The following DNAH9 variants were observed in gnomAD, a reference collection of about 807,000 sequenced individuals.
DNAH9 encodes dynein axonemal heavy chain 9.
A neutral mutation model predicts 471.6 loss-of-function variants in DNAH9; 345 were observed. The observed-to-expected ratio is 0.73, with a 90% CI of 0.67 to 0.80. The LOEUF (loss-of-function observed/expected upper bound fraction) is 0.80. Among genes scored for constraint, DNAH9 ranks in the 30% least tolerant of loss-of-function variants. The pLI, the probability that DNAH9 is intolerant of heterozygous loss-of-function variation, is 0.00. For missense variants in DNAH9, 5,407 were observed against 5,609.2 expected, an observed-to-expected ratio of 0.96 and a Z score of 1.15; for synonymous variants, 2,093 against 2,123.6, an observed-to-expected ratio of 0.99 and a Z score of 0.40.
intron 43 of DNAH9, among the ~76,000 whole-genome samples, chr17:11,805,584 A>G (rs1294504360): frequency 1.9e-5 from 2 of 106,748 alleles, no homozygotes; most frequent in Admixed American, 1.5e-4. Context: ...GTCTCTCTCT[A>G]TCATCCAGAC....
chr17:11,600,383 T>C (rs2072360161), intron 1 of DNAH9, among the ~76,000 whole-genome samples: 1 of 152,160 alleles, frequency 6.6e-6, no homozygotes, highest in Non-Finnish European at 1.5e-5. Context: ...GAGAGCAGAC[T>C]GATCAAAGGT....
intron 4 of DNAH9, among the ~76,000 whole-genome samples, chr17:11,616,032 A>C (rs1437245859): frequency 6.6e-6 from 1 of 152,230 alleles, no homozygotes; most frequent in East Asian, 1.9e-4. Flanking sequence ...TGGGATATAA[A>C]GTACAAACAT....
intron 4 of DNAH9, among the ~76,000 whole-genome samples, chr17:11,615,362 A>G (rs1245991378): frequency 1.3e-5 from 2 of 152,120 alleles, no homozygotes; most frequent in African/African-American, 4.8e-5. Flanking sequence ...AGGCGGGCAG[A>G]TCACTTGAGG....
intron 4 of DNAH9, among the ~76,000 whole-genome samples, chr17:11,614,891 C>T (rs2072710844): frequency 6.6e-6 from 1 of 152,178 alleles, no homozygotes; most frequent in African/African-American, 2.4e-5. Flanking sequence ...ACTCTTAACA[C>T]CATCACATTG....
intron 45 of DNAH9, among the ~76,000 whole-genome samples, chr17:11,814,323 C>A (rs1322930820): frequency 6.6e-6 from 1 of 152,208 alleles, no homozygotes; most frequent in Non-Finnish European, 1.5e-5. Context: ...TACTCTGGTG[C>A]CCCTGCCAGT....
At chr17:11,601,823 A>C (rs2072392944) in intron 1 of DNAH9, among the ~76,000 whole-genome samples, 1 of 152,090 alleles carries the variant, frequency 6.6e-6, no homozygotes, top group African/African-American at 2.4e-5. Flanking sequence ...AGCATCGCTA[A>C]AGCCAGAAGA....
At position 11,962,433 on chromosome 17, in the gene DNAH9, G is replaced by C. The variant is rs187371427; in HGVS notation, c.13233+177G>C. Among the ~76,000 whole-genome samples the C allele has an allele frequency of 2.6e-5, 4 of 152,330 alleles. No homozygotes were observed. The highest frequency in any genetic ancestry group is 2.6e-4 in the Admixed American group (4 of 15,308). On this transcript the variant is annotated intron_variant, in intron 68 of 68. Coordinates refer to ENST00000262442, the MANE Select transcript of DNAH9 (RefSeq NM_001372.4). This position sits in a 1 kb window ranked among gnomAD's most constrained non-coding sequence, Gnocchi z 4.1. The stretch of plus-strand genomic sequence containing the variant: ...GCCAGGGGTGGTGCAAAGAGCGTAA[G>C]TTTTGCAGAGGCAGTAGAGTGGAGA...
Position 11,699,060 on chromosome 17 carries a change from C to T in DNAH9, c.4873-671C>T, listed in dbSNP as rs1008907801. Among the ~76,000 whole-genome samples the T allele has an allele frequency of 5.7e-4, 87 of 152,048 alleles. 1 individual carries two copies. The highest frequency in any genetic ancestry group is 1.8e-4 in the Non-Finnish European group (12 of 68,020). On this transcript the variant is annotated intron_variant, in intron 22 of 68. Coordinates refer to ENST00000262442, the MANE Select transcript of DNAH9 (RefSeq NM_001372.4). ...GATCAGGAGTTCAAGACCATCCTGA[C>T]TAACATGGTGAAACCGCATCTCTAC...
chr17:11,641,734 C>G (rs2073277239), intron 10 of DNAH9, among the ~76,000 whole-genome samples: 1 of 151,960 alleles, frequency 6.6e-6, no homozygotes, highest in African/African-American at 2.4e-5. Flanking sequence ...AGGGCTGCCC[C>G]TAGAATGTGG....
rs149904861 is a variant in DNAH9 at position 11,722,541 on chromosome 17, G to C, written c.5709+3051G>C. 3.5e-4 allele frequency among the ~76,000 whole-genome samples: 53 copies of C among 152,308 alleles called. 1 individual carries two copies. In the East Asian group the frequency reaches 8.7e-3, roughly 25 times the overall value. ...AAGTGATATCTCGGGAATATGGGCA[G>C]GCAGTCAGTGGTGAAGCAAAGGGAG... On this transcript the variant is annotated intron_variant, in intron 27 of 68. Transcript: ENST00000262442.
At chr17:11,785,709 AAAAC>A (rs1382970972) in intron 41 of DNAH9, among the ~76,000 whole-genome samples, 2 of 152,224 alleles carry the variant, frequency 1.3e-5, no homozygotes, top group Admixed American at 1.3e-4. Context: ...TTAAAAATTA[AAAAC>A]AAACAGAGAC....
Position 11,763,667 on chromosome 17 carries a change from A to T in DNAH9, c.7170+53A>T, listed in dbSNP as rs1020406389. The stretch of plus-strand genomic sequence containing the variant: ...CACACTGAAGTCTGTAGCAGCAAAA[A>T]CTGATCCTTTAGCAAAGATTTGGAA... On this transcript the variant is annotated intron_variant, in intron 36 of 68. Transcript: ENST00000262442. 8.4e-6 allele frequency: 13 copies of T among 1,541,142 alleles called. No homozygotes were observed. The African/African-American group carries it at 1.8e-4, about 21-fold the overall frequency.
intron 58 of DNAH9, 131 bp from the exon 59 acceptor site, chr17:11,894,243 A>C (rs1008039914): frequency 7.9e-7 from 1 of 1,259,226 alleles, no homozygotes; most frequent in South Asian, 1.4e-5. Context: ...CTCTACCCTC[A>C]TTAAACAACC....
intron 15 of DNAH9, among the ~76,000 whole-genome samples, chr17:11,666,938 C>G (rs554162599): frequency 6.6e-6 from 1 of 152,286 alleles, no homozygotes; most frequent in South Asian, 2.1e-4. Context: ...CCTGTCATCT[C>G]TCAACCCAAA....
chr17:11,722,079 C>T (rs1356050818), intron 27 of DNAH9, among the ~76,000 whole-genome samples: 1 of 152,160 alleles, frequency 6.6e-6, no homozygotes, highest in African/African-American at 2.4e-5. Context: ...CAGGACCCGG[C>T]TGGGAGAGGA....
At chr17:11,609,281 A>G (rs1427037941) in intron 2 of DNAH9, among the ~76,000 whole-genome samples, 1 of 152,244 alleles carries the variant, frequency 6.6e-6, no homozygotes, top group African/African-American at 2.4e-5. Flanking sequence ...TTTCCTACAT[A>G]TACAATTTGA....
chr17:11,863,926 G>A (rs1971948929), intron 50 of DNAH9, among the ~76,000 whole-genome samples: 1 of 151,648 alleles, frequency 6.6e-6, no homozygotes, highest in Non-Finnish European at 1.5e-5. Flanking sequence ...TTCTTTATTA[G>A]TCTTGCTAGC....
chr17:11,901,129 G>A (rs754447684), intron 59 of DNAH9, among the ~76,000 whole-genome samples: 2 of 152,178 alleles, frequency 1.3e-5, no homozygotes, highest in African/African-American at 4.8e-5. Context: ...TGATGCTTAG[G>A]GGGTGGGGCC....
At chr17:11,888,187 T>C (rs1011053118) in intron 57 of DNAH9, among the ~76,000 whole-genome samples, 5 of 151,958 alleles carry the variant, frequency 3.3e-5, no homozygotes, top group Non-Finnish European at 5.9e-5. Flanking sequence ...GGTTTCACTG[T>C]GTTAGCCAGG....
Sources: allele counts gnomAD v4.1 joint callset (sites outside exome capture counted in the v4.1 genomes callset), GRCh38; gene constraint gnomAD v4.1.1; non-coding constraint Gnocchi (gnomAD v3.1); transcripts MANE v1.5; gene names NCBI Gene and HGNC (gene_info 2026-07-23, HGNC 2026-07-21).